The following IL7 variants were observed in gnomAD, a reference collection of about 807,000 sequenced individuals.
IL7 encodes the protein interleukin 7, also known as interleukin-7.
In IL7, 3 loss-of-function variants were observed where a neutral mutation model predicts 21.6. The observed-to-expected ratio is 0.14, with a 90% CI of 0.06 to 0.36. IL7 has a LOEUF of 0.36. IL7 is among the 10% of genes least tolerant of loss of function. IL7 has a pLI of 1.00. For missense variants in IL7, 175 were observed against 200.2 expected (o/e 0.87, Z 0.76); for synonymous variants, 62 against 68.1 (o/e 0.91, Z 0.44).
At chr8:78,693,576 G>T (rs929985346) in intron 3 of IL7, among the ~76,000 whole-genome samples, 13 of 152,002 alleles carry the variant, frequency 8.6e-5, no homozygotes, top group African/African-American at 3.1e-4. Flanking sequence ...TTTTGATGGG[G>T]TTGTTTGTTT....
At chr8:78,798,751 G>T (rs72666870) in intron 1 of IL7, among the ~76,000 whole-genome samples, 6,706 of 151,882 alleles carry the variant, frequency 0.044, 213 homozygotes, top group Middle Eastern at 0.082. Flanking sequence ...AACCCTGAAG[G>T]GTTTACATTC....
At position 78,761,339 on chromosome 8, in the gene IL7, G is replaced by A. The variant is rs1166046215; in HGVS notation, c.148-21257C>T. ...TGATTTTGCCAACCACATATTTAAG[G>A]CACAGAAAGAGCAGAGTGTGTAGAT... On this transcript the variant is annotated intron_variant, in intron 2 of 5. Transcript: ENST00000263851. 1.4e-5 allele frequency: 23 copies of A among 1,611,544 alleles called. 1 individual carries two copies. The South Asian group carries it at 2.3e-4, about 16-fold the overall frequency.
chr8:78,704,391 A>AG (rs1306284757), intron 3 of IL7, among the ~76,000 whole-genome samples: 46 of 151,094 alleles, frequency 3.0e-4, no homozygotes, highest in African/African-American at 1.1e-3. Flanking sequence ...CCATCTCAAA[A>AG]AAAAAAAAAA....
At chr8:78,683,933 A>G (rs925122955) in intron 4 of IL7, among the ~76,000 whole-genome samples, 1 of 152,184 alleles carries the variant, frequency 6.6e-6, no homozygotes, top group African/African-American at 2.4e-5. Context: ...AACAAGAATC[A>G]CCTTTGCTCC....
In IL7 at chr8:78,768,802, C is replaced by T. The variant is rs192753499; in HGVS notation, c.148-28720G>A. 2.6e-3 allele frequency among the ~76,000 whole-genome samples: 389 copies of T among 152,134 alleles called. 2 individuals carry two copies. Among genetic ancestry groups the T allele is most frequent in the African/African-American group, 8.6e-3 (355 of 41,514 alleles). ...TAGATCCCATTTGTCACTGGCAAAC[C>T]GAATCCAGCAGCACGTCAAGAAGCT... is the stretch of plus-strand genomic sequence containing the variant. On this transcript the variant is annotated intron_variant, in intron 2 of 5. Coordinates refer to ENST00000263851, the MANE Select transcript of IL7 (RefSeq NM_000880.4).
In IL7 at chr8:78,773,436, C is replaced by T. The variant is rs192777708; in HGVS notation, c.147+24636G>A. Among the ~76,000 whole-genome samples, 153 of 151,992 alleles carry T rather than the reference C, an allele frequency of 1.0e-3. 2 individuals carry two copies. The highest frequency in any genetic ancestry group is 1.6e-3 in the Non-Finnish European group (112 of 67,970). On this transcript the variant is annotated intron_variant, in intron 2 of 5. Transcript: ENST00000263851. ...TTCCTGCTGTCTTTAAATTTGGGTG[C>T]GGGAAGATTTGTGGAGCAAGACAGG...
intron 2 of IL7, among the ~76,000 whole-genome samples, chr8:78,764,840 T>C (rs1294006064): frequency 6.6e-6 from 1 of 152,068 alleles, no homozygotes. Flanking sequence ...TTCTAAAGTT[T>C]ATGTGAAGAG....
chr8:78,731,527 C>A (rs1811424698), downstream of IL7, among the ~76,000 whole-genome samples: 1 of 151,550 alleles, frequency 6.6e-6, no homozygotes, highest in Non-Finnish European at 1.5e-5. Flanking sequence ...AAGTATCTTC[C>A]CTCCTTATTT....
At chr8:78,688,074 T>G (rs972785970) in intron 3 of IL7, among the ~76,000 whole-genome samples, 10 of 150,822 alleles carry the variant, frequency 6.6e-5, no homozygotes. Flanking sequence ...ATTTGGCCCA[T>G]GGGCCATACT....
At chr8:78,761,362 G>C in intron 2 of IL7, 5 of 1,611,998 alleles carry the variant, frequency 3.1e-6, no homozygotes, top group Non-Finnish European at 4.2e-6. Context: ...AGAGTGTGTA[G>C]ATAGCTTGGG....
chr8:78,774,993 T>C (rs1451128813), intron 2 of IL7, among the ~76,000 whole-genome samples: 1 of 152,070 alleles, frequency 6.6e-6, no homozygotes, highest in Non-Finnish European at 1.5e-5. Context: ...CATGAAAGGG[T>C]AATGAACAAA....
intron 1 of IL7, among the ~76,000 whole-genome samples, chr8:78,804,102 G>A (rs545920983): frequency 1.3e-5 from 2 of 151,576 alleles, no homozygotes; most frequent in East Asian, 1.9e-4. Flanking sequence ...CTCTTTCATT[G>A]GTCATATATG....
chr8:78,728,630 T>G (rs1279620004), downstream of IL7, among the ~76,000 whole-genome samples: 1 of 152,054 alleles, frequency 6.6e-6, no homozygotes, highest in Non-Finnish European at 1.5e-5. Flanking sequence ...TGAACCTAAA[T>G]GTAAAACATA....
At chr8:78,758,631 C>T (rs551621211) in intron 2 of IL7, among the ~76,000 whole-genome samples, 5 of 152,126 alleles carry the variant, frequency 3.3e-5, no homozygotes, top group African/African-American at 7.2e-5. Flanking sequence ...GCATAGTATT[C>T]TTCATTGGCA....
intron 6 of IL7, chr8:78,718,676 C>T (rs1011187735): frequency 2.0e-5 from 3 of 151,746 alleles, no homozygotes; most frequent in African/African-American, 7.2e-5. Context: ...AACATACACA[C>T]AAATTTAATT....
intron 2 of IL7, among the ~76,000 whole-genome samples, chr8:78,757,045 C>T (rs1188588379): frequency 6.6e-6 from 1 of 151,784 alleles, no homozygotes; most frequent in African/African-American, 2.4e-5. Context: ...TCCCTCTTAG[C>T]ACTACTTTTA....
downstream of IL7, chr8:78,715,416 G>T (rs1811070287): frequency 1.6e-6 from 2 of 1,215,518 alleles, no homozygotes; most frequent in South Asian, 1.7e-5. Flanking sequence ...TAAGTAACAA[G>T]CTATTTATAG....
At chr8:78,761,187 C>T in intron 2 of IL7, 1 of 1,592,488 alleles carries the variant, frequency 6.3e-7, no homozygotes, top group Non-Finnish European at 8.5e-7. Context: ...TTACCCCTTT[C>T]TTTACTGTTC....
At chr8:78,773,465 A>G (rs1813028557) in intron 2 of IL7, among the ~76,000 whole-genome samples, 1 of 152,148 alleles carries the variant, frequency 6.6e-6, no homozygotes, top group African/African-American at 2.4e-5. Context: ...AGACAGGGGA[A>G]GTAGAAAATT....
Sources: gnomAD v4.1 joint callset for allele counts (sites outside exome capture counted in the v4.1 genomes callset) on GRCh38, gnomAD v4.1.1 for gene constraint, MANE v1.5 for transcripts, NCBI Gene and HGNC (gene_info 2026-07-23, HGNC 2026-07-21) for gene names.